TLN2: variants seen among roughly 807,000 people sequenced by gnomAD.
TLN2 encodes talin-2.
A neutral mutation model predicts 294.7 loss-of-function variants in TLN2; 118 were observed. The observed-to-expected ratio is 0.40, with a 90% CI of 0.34 to 0.47. The LOEUF is 0.47. Among genes scored for constraint, TLN2 ranks in the 20% least tolerant of loss-of-function variants. The pLI is 0.84. For synonymous variants in TLN2, 1,431 were observed against 1,304.5 expected (o/e 1.10, Z -2.09); for missense variants, 3,083 against 3,282.2 (o/e 0.94, Z 1.48).
At chr15:62,784,300 G>A (rs1477242221) in intron 45 of TLN2, 1 of 296,088 alleles carries the variant, frequency 3.4e-6, no homozygotes, top group East Asian at 5.6e-5. Flanking sequence ...AAAGATTCAA[G>A]TATGAAAATT....
intron 28 of TLN2, among the ~76,000 whole-genome samples, chr15:62,730,286 C>T (rs2060651804): frequency 6.6e-6 from 1 of 152,006 alleles, no homozygotes; most frequent in African/African-American, 2.4e-5. Context: ...GTAATCTGCC[C>T]TCCTCAGCCT....
chr15:62,776,647 G>T, intron 42 of TLN2, 117 bp from the exon 43 acceptor site: 1 of 1,001,116 alleles, frequency 1.0e-6, no homozygotes. Flanking sequence ...AAATAGAATA[G>T]ATCGCTGTGC....
chr15:62,723,009 G>C (rs2060238927), intron 26 of TLN2, among the ~76,000 whole-genome samples: 1 of 152,212 alleles, frequency 6.6e-6, no homozygotes, highest in Admixed American at 6.5e-5. Context: ...GAACAGAGTT[G>C]AGGACTAAAT....
intron 28 of TLN2, among the ~76,000 whole-genome samples, chr15:62,730,271 A>G (rs2140940872): frequency 6.6e-6 from 1 of 151,584 alleles, no homozygotes; most frequent in South Asian, 2.1e-4. Context: ...TGATCTTTTG[A>G]CCTCGTAATC....
At chr15:62,529,093 G>C (rs1177063111) in intron 1 of TLN2, among the ~76,000 whole-genome samples, 1 of 149,430 alleles carries the variant, frequency 6.7e-6, no homozygotes, top group African/African-American at 2.5e-5. Context: ...CATTTACAGG[G>C]CTTTTTTTTT....
At chr15:62,597,834 A>G (rs770779799) in intron 2 of TLN2, among the ~76,000 whole-genome samples, 1 of 152,188 alleles carries the variant, frequency 6.6e-6, no homozygotes, top group Non-Finnish European at 1.5e-5. Flanking sequence ...GTAATTTTAT[A>G]CATCATTTAA....
At chr15:62,497,100 C>T (rs963109800) in intron 1 of TLN2, among the ~76,000 whole-genome samples, 2 of 152,178 alleles carry the variant, frequency 1.3e-5, no homozygotes, top group East Asian at 1.9e-4. Context: ...ACATTTCTGA[C>T]ACCCGTGGGA....
chr15:62,831,632 A>T (rs905851875), intron 54 of TLN2: 5 of 152,176 alleles, frequency 3.3e-5, no homozygotes, highest in African/African-American at 1.2e-4. Flanking sequence ...GTCCAGTAGA[A>T]CTAAATTCAT....
At chr15:62,786,833 A>T (rs1595989781) in intron 45 of TLN2, among the ~76,000 whole-genome samples, 2 of 152,226 alleles carry the variant, frequency 1.3e-5, no homozygotes, top group East Asian at 3.8e-4. Flanking sequence ...AAGTAAATGC[A>T]GTTTTTGCCA....
At chr15:62,445,640 G>A (rs1410921554) in intron 1 of TLN2, among the ~76,000 whole-genome samples, 1 of 152,008 alleles carries the variant, frequency 6.6e-6, no homozygotes, top group Non-Finnish European at 1.5e-5. Context: ...AATTACAGAT[G>A]TCAGTATTAG....
At chr15:62,610,114 C>A (rs2047799362) in intron 2 of TLN2, among the ~76,000 whole-genome samples, 1 of 152,110 alleles carries the variant, frequency 6.6e-6, no homozygotes, top group African/African-American at 2.4e-5. Context: ...TCTTTTATTG[C>A]AAAAAAGATG....
intron 44 of TLN2, among the ~76,000 whole-genome samples, chr15:62,781,767 G>A (rs961877795): frequency 3.3e-5 from 5 of 152,108 alleles, no homozygotes; most frequent in African/African-American, 9.7e-5. Context: ...AAAAAATTCC[G>A]ACAGTAGAAG....
intron 57 of TLN2, chr15:62,838,157 T>G (rs1013259307): frequency 3.3e-5 from 5 of 152,222 alleles, no homozygotes; most frequent in African/African-American, 1.2e-4. Flanking sequence ...GCTGAGACCC[T>G]AAAAGTACGA....
chr15:62,659,106 TTGA>T (rs2053549555), intron 9 of TLN2, among the ~76,000 whole-genome samples: 1 of 152,224 alleles, frequency 6.6e-6, no homozygotes, highest in Admixed American at 6.5e-5. Flanking sequence ...GGTTCCTATA[TTGA>T]TGATGATGCC....
chr15:62,474,039 A>T lies in TLN2; in HGVS notation c.-238+83354A>T, dbSNP rs2037645944. Among the ~76,000 whole-genome samples the T allele has an allele frequency of 2.0e-5, 3 of 152,280 alleles. No individual in the cohort carries two copies. The South Asian group carries it at 6.2e-4, about 32-fold the overall frequency. ...AACCCCGGAGGCGGAAGTTGCAGTG[A>T]GCCCAGACATGTGCCTTTGAGCTCC... On this transcript the variant is annotated intron_variant, in intron 1 of 58. Coordinates refer to ENST00000636159, the MANE Select transcript of TLN2 (RefSeq NM_015059.3).
At chr15:62,562,910 A>T (rs1391863236) in intron 1 of TLN2, among the ~76,000 whole-genome samples, 6 of 24,168 alleles carry the variant, frequency 2.5e-4, no homozygotes, top group South Asian at 1.5e-3. Context: ...ATTCCATCAC[A>T]CACACACACA....
At chr15:62,544,747 C>T (rs1420546791) in intron 1 of TLN2, among the ~76,000 whole-genome samples, 1 of 151,190 alleles carries the variant, frequency 6.6e-6, no homozygotes, top group East Asian at 1.9e-4. Context: ...TTTTCTTCCC[C>T]CCCTCTAATC....
At chr15:62,652,451 A>G (rs1174625271) in intron 6 of TLN2, among the ~76,000 whole-genome samples, 4 of 152,218 alleles carry the variant, frequency 2.6e-5, no homozygotes, top group Non-Finnish European at 1.5e-5. Flanking sequence ...GATGTTCACT[A>G]TCTCCTTGAG....
chr15:62,688,812 G>A (rs935436119), intron 12 of TLN2, among the ~76,000 whole-genome samples: 4 of 152,072 alleles, frequency 2.6e-5, no homozygotes, highest in African/African-American at 9.6e-5. Context: ...TGTTGACATA[G>A]CCACCAATGC....
Sources: allele counts gnomAD v4.1 joint callset (sites outside exome capture counted in the v4.1 genomes callset), GRCh38; gene constraint gnomAD v4.1.1; transcripts MANE v1.5; gene names NCBI Gene and HGNC (gene_info 2026-07-23, HGNC 2026-07-21).